ATP2C1: variants seen among roughly 807,000 people sequenced by gnomAD.
ATP2C1 encodes ATPase secretory pathway Ca2+ transporting 1.
ATP2C1 carries 31 observed loss-of-function variants against 120.5 expected under a neutral mutation model. That is an observed-to-expected ratio of 0.26 (90% CI 0.19 to 0.35). ATP2C1 has a LOEUF of 0.35. ATP2C1 is among the 10% of genes least tolerant of loss of function. ATP2C1 has a pLI of 1.00. For missense variants in ATP2C1, 731 were observed against 1,107.5 expected, an observed-to-expected ratio of 0.66 and a Z score of 4.83; for synonymous variants, 351 against 358.7, an observed-to-expected ratio of 0.98 and a Z score of 0.24.
intron 18 of ATP2C1, among the ~76,000 whole-genome samples, chr3:130,976,170 TAGG>T (rs1366048189): frequency 6.6e-6 from 1 of 152,210 alleles, no homozygotes; most frequent in Non-Finnish European, 1.5e-5. Context: ...TTTAATGAAA[TAGG>T]AGTCTAAGCA....
chr3:130,869,624 T>G (rs1245749665), intron 1 of ATP2C1, among the ~76,000 whole-genome samples: 2 of 152,196 alleles, frequency 1.3e-5, no homozygotes, highest in Non-Finnish European at 2.9e-5. Context: ...TAAACAGTAT[T>G]TTTGCTAATG....
At chr3:130,995,672 A>G (rs1024712877) in intron 22 of ATP2C1, among the ~76,000 whole-genome samples, 5 of 152,120 alleles carry the variant, frequency 3.3e-5, no homozygotes, top group African/African-American at 4.8e-5. Flanking sequence ...AGTCAGTCTC[A>G]CTTTGTTGCC....
In ATP2C1 at chr3:130,996,808, T is replaced by TTCC; in HGVS notation, c.2243+13_2243+14insCCT. 1 of 1,523,304 alleles carries TTCC rather than the reference T, an allele frequency of 6.6e-7. No homozygotes were observed. The highest frequency in any genetic ancestry group is 9.1e-7 in the Non-Finnish European group (1 of 1,097,474). 94.4% of individuals were successfully genotyped at this position (1,523,304 alleles called of 1,614,324 possible). On this transcript the variant is annotated intron_variant, in intron 24 of 27. Coordinates refer to ENST00000510168, the MANE Select transcript of ATP2C1 (RefSeq NM_001378687.1). ...CCCCCAGCTCAGAGGTACGAGTTTT[T>TTCC]TAATTGCATGAGCTGGAAAGACAAG...
intron 1 of ATP2C1, among the ~76,000 whole-genome samples, chr3:130,888,975 A>C (rs769836972): frequency 1.4e-4 from 22 of 152,232 alleles, no homozygotes; most frequent in Non-Finnish European, 2.8e-4. Flanking sequence ...AATAAATGTG[A>C]GTTATACATA....
intron 5 of ATP2C1, among the ~76,000 whole-genome samples, chr3:130,936,426 C>G (rs2108400880): frequency 6.6e-6 from 1 of 152,276 alleles, no homozygotes; most frequent in Middle Eastern, 3.4e-3. Context: ...GTTTTATATT[C>G]TACATTGCAG....
At position 131,016,450 on chromosome 3, in the gene ATP2C1, C is replaced by A; in HGVS notation, c.*261C>A. 2.4e-6 allele frequency: 3 copies of A among 1,248,348 alleles called. No homozygotes were observed. In the South Asian group the frequency reaches 4.1e-5, roughly 17 times the overall value. 77.3% of individuals were successfully genotyped at this position (1,248,348 alleles called of 1,614,324 possible). Reference sequence around the variant, plus strand: ...AAAGAAAGAAATTAATTTAAAAAAACTAAGATGTTTTTCTCTTCTGGCTTC... The same window carrying A: ...AAAGAAAGAAATTAATTTAAAAAAAATAAGATGTTTTTCTCTTCTGGCTTC... On this transcript the variant is annotated 3_prime_UTR_variant, in exon 27 of 27. Coordinates refer to the ATP2C1 transcript ENST00000328560.
chr3:131,009,876 C>A (rs887256150), intron 26 of ATP2C1, among the ~76,000 whole-genome samples: 1 of 152,094 alleles, frequency 6.6e-6, no homozygotes, highest in Non-Finnish European at 1.5e-5. Context: ...ACACCAAGTA[C>A]CCCACATCTG....
At chr3:130,963,675 C>G in intron 12 of ATP2C1, 1 of 388,124 alleles carries the variant, frequency 2.6e-6, no homozygotes, top group African/African-American at 2.1e-5. Flanking sequence ...GGACAGTAAA[C>G]TACAGAGCTA....
At chr3:130,947,060 C>G (rs543252542) in intron 8 of ATP2C1, among the ~76,000 whole-genome samples, 1 of 152,288 alleles carries the variant, frequency 6.6e-6, no homozygotes, top group East Asian at 1.9e-4. Context: ...TGAGCCTAGG[C>G]AAGCCGCTTG....
At chr3:130,965,605 T>G (rs1312573364) in intron 14 of ATP2C1, among the ~76,000 whole-genome samples, 2 of 152,110 alleles carry the variant, frequency 1.3e-5, no homozygotes, top group Non-Finnish European at 2.9e-5. Flanking sequence ...CTTTGCTTTC[T>G]GTGCACCAAG....
rs568015736 is a variant in ATP2C1 at position 130,935,343 on chromosome 3, C to T, written c.324+632C>T. 2.8e-4 allele frequency among the ~76,000 whole-genome samples: 42 copies of T among 152,204 alleles called. 2 individuals are homozygous for T. The South Asian group carries it at 7.9e-3, about 29-fold the overall frequency. On this transcript the variant is annotated intron_variant, in intron 5 of 27. Transcript: ENST00000510168. ...CCTGACATGTGAAATTAAAAATATT[C>T]CTTATAGTGCATGCTGTATTTACAG...
intron 26 of ATP2C1, 91 bp from the exon 27 acceptor site, chr3:130,999,427 A>G: frequency 7.9e-7 from 1 of 1,270,682 alleles, no homozygotes; most frequent in Non-Finnish European, 1.1e-6. Context: ...TGATAAAGTG[A>G]CACTGCTTGT....
intron 20 of ATP2C1, 37 bp downstream of exon 20, chr3:130,980,716 TTATTC>T: frequency 7.0e-7 from 1 of 1,420,612 alleles, no homozygotes; most frequent in Non-Finnish European, 1.0e-6. Context: ...CTGAAAGGCC[TTATTC>T]TAAGTGTTAC....
chr3:130,938,372 C>G (rs1178380138), intron 6 of ATP2C1, among the ~76,000 whole-genome samples: 3 of 152,204 alleles, frequency 2.0e-5, no homozygotes, highest in Admixed American at 2.0e-4. Context: ...AATATTGTTG[C>G]ATAAGCCTGA....
At chr3:130,963,196 TG>T (rs2060900573) in intron 12 of ATP2C1, 2 of 152,062 alleles carry the variant, frequency 1.3e-5, no homozygotes, top group African/African-American at 4.8e-5. Context: ...AGAGTTAATT[TG>T]GTGGAGTTAA....
rs1203448461 is a variant in ATP2C1, at chr3:130,894,111, CCGGCGGACCGTGA to C, written c.-403_-391del. On this transcript the variant is annotated 5_prime_UTR_variant, in exon 1 of 28. Transcript: ENST00000510168. The surrounding 1 kb of genome is among the most constrained non-coding windows in gnomAD (Gnocchi z 4.5). ...ACCAGCACGGCCTCGCGGAGCCGGC[CCGGCGGACCGTGA>C]CGGGTCCCCTCACCTCCTCTTCTCT... 1 of 972,644 alleles carries C rather than the reference CCGGCGGACCGTGA, an allele frequency of 1.0e-6. No homozygotes were observed. Among genetic ancestry groups the C allele is most frequent in the Non-Finnish European group, 1.2e-6 (1 of 818,472 alleles). The allele number at this position is 972,644 out of a possible 1,614,324, so 60.3% of individuals were successfully genotyped here.
At chr3:130,884,632 A>C (rs574483090) in intron 1 of ATP2C1, among the ~76,000 whole-genome samples, 10 of 152,312 alleles carry the variant, frequency 6.6e-5, no homozygotes, top group South Asian at 2.1e-4. Flanking sequence ...ATTGAGGTCT[A>C]TCTCTCTCTT....
chr3:130,941,370 A>C (rs1348483957), intron 7 of ATP2C1, among the ~76,000 whole-genome samples: 1 of 152,120 alleles, frequency 6.6e-6, no homozygotes, highest in East Asian at 1.9e-4. Flanking sequence ...GACCCAGGTG[A>C]TTCAAAAGGT....
intron 1 of ATP2C1, among the ~76,000 whole-genome samples, chr3:130,855,723 C>G (rs1559862957): frequency 6.6e-6 from 1 of 152,064 alleles, no homozygotes; most frequent in Non-Finnish European, 1.5e-5. Context: ...ATAGGTGATG[C>G]CTGAGGGTCA....
Sources: allele counts gnomAD v4.1 joint callset (sites outside exome capture counted in the v4.1 genomes callset), GRCh38; gene constraint gnomAD v4.1.1; non-coding constraint Gnocchi (gnomAD v3.1); transcripts MANE v1.5; gene names NCBI Gene and HGNC (gene_info 2026-07-23, HGNC 2026-07-21).